Variants in ERC2 observed in about 807,000 individuals in gnomAD.
The protein encoded by ERC2 is ERC protein 2.
Under a neutral mutation model 114.8 loss-of-function variants are expected in ERC2, and 42 were observed. The observed-to-expected ratio is 0.37, with a 90% CI of 0.29 to 0.47. ERC2 has a LOEUF of 0.47. Among genes scored for constraint, ERC2 ranks in the 20% least tolerant of loss-of-function variants. The probability of loss-of-function intolerance (pLI) is 0.99; values close to 1 mark genes in which losing one functional copy is unlikely to be tolerated. For synonymous variants in ERC2, 454 were observed against 425.5 expected (o/e 1.07, Z -0.82); for missense variants, 939 against 1,150.7 (o/e 0.82, Z 2.66).
At chr3:55,637,529 C>T (rs960585645) in intron 17 of ERC2, among the ~76,000 whole-genome samples, 15 of 152,126 alleles carry the variant, frequency 9.9e-5, no homozygotes, top group Non-Finnish European at 1.6e-4. Flanking sequence ...CTGGGCTGAC[C>T]GGGGTCTCCT....
chr3:55,677,205 C>T (rs566477166), intron 17 of ERC2, among the ~76,000 whole-genome samples: 1 of 152,184 alleles, frequency 6.6e-6, no homozygotes, highest in South Asian at 2.1e-4. Flanking sequence ...CGAAAGAAAC[C>T]CTCTGCTATA....
intron 1 of ERC2, among the ~76,000 whole-genome samples, chr3:56,445,709 G>C (rs2062529747): frequency 6.6e-6 from 1 of 152,098 alleles, no homozygotes; most frequent in Non-Finnish European, 1.5e-5. Flanking sequence ...GACTCTGACA[G>C]GGTCTTCTTC....
chr3:55,580,388 A>T (rs1477551544), intron 17 of ERC2, among the ~76,000 whole-genome samples: 2 of 152,200 alleles, frequency 1.3e-5, no homozygotes, highest in African/African-American at 2.4e-5. Context: ...ATGTCTTTTC[A>T]ATGTCAGGAA....
chr3:55,820,907 G>A (rs1205712609), intron 14 of ERC2, among the ~76,000 whole-genome samples: 1 of 152,206 alleles, frequency 6.6e-6, no homozygotes, highest in Admixed American at 6.5e-5. Flanking sequence ...GAGGGAGACA[G>A]CCTTCTTAGC....
chr3:56,404,833 G>A (rs1257103774), intron 2 of ERC2, among the ~76,000 whole-genome samples: 1 of 152,086 alleles, frequency 6.6e-6, no homozygotes, highest in Admixed American at 6.5e-5. Flanking sequence ...TACAGCACGT[G>A]CTATATAAGT....
chr3:55,989,517 T>C (rs2070892930), intron 11 of ERC2, among the ~76,000 whole-genome samples: 1 of 152,224 alleles, frequency 6.6e-6, no homozygotes, highest in Non-Finnish European at 1.5e-5. Context: ...CCAGCAGCAA[T>C]GCCTGCTCAG....
chr3:55,843,210 T>C (rs941577404), intron 14 of ERC2, among the ~76,000 whole-genome samples: 4 of 152,208 alleles, frequency 2.6e-5, no homozygotes, highest in African/African-American at 9.6e-5. Flanking sequence ...CCATTACTTC[T>C]TTCTCTTCTC....
intron 1 of ERC2, among the ~76,000 whole-genome samples, chr3:56,440,368 C>A (rs902506909): frequency 6.6e-6 from 1 of 152,062 alleles, no homozygotes; most frequent in African/African-American, 2.4e-5. Context: ...ACGGTGAAAC[C>A]CCATCTCTAC....
chr3:55,935,219 T>G (rs2066364440), intron 13 of ERC2, among the ~76,000 whole-genome samples: 1 of 152,214 alleles, frequency 6.6e-6, no homozygotes, highest in Non-Finnish European at 1.5e-5. Context: ...GAGTATGATC[T>G]CTTGCATGGC....
chr3:56,349,234 C>T (rs569388026), intron 2 of ERC2, among the ~76,000 whole-genome samples: 3 of 152,184 alleles, frequency 2.0e-5, no homozygotes, highest in South Asian at 4.1e-4. Context: ...ATGGTGACAA[C>T]GAAATTAGGG....
intron 2 of ERC2, among the ~76,000 whole-genome samples, chr3:56,381,594 G>C (rs899803298): frequency 2.6e-5 from 4 of 151,910 alleles, no homozygotes; most frequent in African/African-American, 9.7e-5. Flanking sequence ...TTCAATAGCA[G>C]ATTCTTCTTA....
intron 2 of ERC2, among the ~76,000 whole-genome samples, chr3:56,317,056 G>A (rs764101611): frequency 6.6e-6 from 1 of 152,200 alleles, no homozygotes; most frequent in Non-Finnish European, 1.5e-5. Flanking sequence ...CCTTGGCCTT[G>A]AGAAGCTCTT....
intron 17 of ERC2, among the ~76,000 whole-genome samples, chr3:55,646,754 A>G (rs941217059): frequency 6.6e-6 from 1 of 152,172 alleles, no homozygotes; most frequent in Non-Finnish European, 1.5e-5. Flanking sequence ...TGTCTAGAAC[A>G]GTGCCCGGAA....
At chr3:56,112,266 C>T (rs1327494103) in intron 6 of ERC2, among the ~76,000 whole-genome samples, 1 of 152,182 alleles carries the variant, frequency 6.6e-6, no homozygotes, top group Non-Finnish European at 1.5e-5. Flanking sequence ...CTTGACTCTG[C>T]TTTCTTGCCA....
chr3:55,595,384 T>G (rs1575701418), intron 17 of ERC2, among the ~76,000 whole-genome samples: 1 of 152,306 alleles, frequency 6.6e-6, no homozygotes, highest in South Asian at 2.1e-4. Flanking sequence ...TAGGTTGAAA[T>G]TTTTCCTGTC....
At chr3:55,513,576 T>A (rs1165649368) in intron 17 of ERC2, among the ~76,000 whole-genome samples, 1 of 152,108 alleles carries the variant, frequency 6.6e-6, no homozygotes, top group Admixed American at 6.5e-5. Flanking sequence ...CCCCTTCTGA[T>A]GAATTGTCTA....
chr3:56,350,977 A>G (rs528989134), intron 2 of ERC2, among the ~76,000 whole-genome samples: 1 of 152,214 alleles, frequency 6.6e-6, no homozygotes, highest in Non-Finnish European at 1.5e-5. Flanking sequence ...TTCAAGCCCA[A>G]GGTCACCTTG....
At chr3:56,386,678 G>T (rs116528846) in intron 2 of ERC2, among the ~76,000 whole-genome samples, 2 of 152,066 alleles carry the variant, frequency 1.3e-5, no homozygotes, top group African/African-American at 2.4e-5. Flanking sequence ...GGTTTTCCTC[G>T]CTGGAAAGAC....
At chr3:55,559,575 T>C (rs959239443) in intron 17 of ERC2, among the ~76,000 whole-genome samples, 2 of 152,222 alleles carry the variant, frequency 1.3e-5, no homozygotes, top group Non-Finnish European at 2.9e-5. Context: ...GAAGTAAGAC[T>C]GGAAGTCCCC....
Sources: gnomAD v4.1 joint callset for allele counts (sites outside exome capture counted in the v4.1 genomes callset) on GRCh38, gnomAD v4.1.1 for gene constraint, MANE v1.5 for transcripts, NCBI Gene and HGNC (gene_info 2026-07-23, HGNC 2026-07-21) for gene names.